LOC728392: variants seen among roughly 807,000 people sequenced by gnomAD.
At chr17:5,500,018 G>A in the LOC728392 span, 14 of 986,084 alleles carry the variant, frequency 1.4e-5, no homozygotes, top group African/African-American at 1.9e-4. This position sits in a 1 kb window ranked among gnomAD's most constrained non-coding sequence, Gnocchi z 5.4. Context: ...ACACCCCGAC[G>A]AACGCCACTT....
At chr17:5,500,912 C>G in the LOC728392 span, 43 of 1,261,472 alleles carry the variant, frequency 3.4e-5, no homozygotes, top group African/African-American at 6.1e-4. The surrounding 1 kb of genome is among the most constrained non-coding windows in gnomAD (Gnocchi z 5.4). Flanking sequence ...CCGGGCGAAT[C>G]TGCTCGAGAC....
chr17:5,499,717 G>A, the LOC728392 span: 1 of 964,058 alleles, frequency 1.0e-6, no homozygotes, highest in Non-Finnish European at 1.2e-6. Context: ...AGCTCCAGAA[G>A]TGAGCCGGGC....
At chr17:5,499,923 C>G in the LOC728392 span, 7 of 985,868 alleles carry the variant, frequency 7.1e-6, no homozygotes, top group Non-Finnish European at 4.8e-6. Context: ...GTACCAGTCT[C>G]GACTCCTCCG....
chr17:5,500,170 T>TCCCTGCC, the LOC728392 span: 1 of 986,244 alleles, frequency 1.0e-6, no homozygotes, highest in Non-Finnish European at 1.2e-6. This position sits in a 1 kb window ranked among gnomAD's most constrained non-coding sequence, Gnocchi z 5.4. Context: ...GCGCCGACCC[T>TCCCTGCC]CCCTGCCGGA....
chr17:5,500,555 T>C, the LOC728392 span: 1 of 1,210,276 alleles, frequency 8.3e-7, no homozygotes, highest in Non-Finnish European at 1.0e-6. The surrounding 1 kb of genome is among the most constrained non-coding windows in gnomAD (Gnocchi z 5.4). Flanking sequence ...TCCCTTTCCC[T>C]CCCCGCTCGG....
the LOC728392 span, chr17:5,499,859 C>G: frequency 5.1e-6 from 5 of 985,964 alleles, no homozygotes; most frequent in Non-Finnish European, 6.0e-6. Flanking sequence ...CCACAGGTCC[C>G]GCGAGTCCCG....
At chr17:5,500,177 C>T in the LOC728392 span, 23 of 986,870 alleles carry the variant, frequency 2.3e-5, no homozygotes, top group Middle Eastern at 1.0e-3. The surrounding 1 kb of genome is among the most constrained non-coding windows in gnomAD (Gnocchi z 5.4). Flanking sequence ...CCCTCCCTGC[C>T]GGACCCTCTC....
At chr17:5,500,286 T>C in the LOC728392 span, 1 of 999,366 alleles carries the variant, frequency 1.0e-6, no homozygotes. The surrounding 1 kb of genome is among the most constrained non-coding windows in gnomAD (Gnocchi z 5.4). Context: ...TCCCTGCGCG[T>C]GCCCCCACGT....
the LOC728392 span, chr17:5,499,622 G>T: frequency 3.2e-6 from 1 of 312,610 alleles, no homozygotes; most frequent in Non-Finnish European, 4.7e-6. Context: ...GTCTTAAGAT[G>T]ACAAATCCCT....
chr17:5,500,868 G>T, the LOC728392 span: 3 of 1,245,542 alleles, frequency 2.4e-6, no homozygotes, highest in African/African-American at 1.6e-5. This position sits in a 1 kb window ranked among gnomAD's most constrained non-coding sequence, Gnocchi z 5.4. Flanking sequence ...GTCTTCCGGG[G>T]GAGGCTTGTC....
the LOC728392 span, chr17:5,499,924 G>A: frequency 4.1e-6 from 4 of 985,772 alleles, no homozygotes; most frequent in Admixed American, 6.1e-5. Context: ...TACCAGTCTC[G>A]ACTCCTCCGG....
chr17:5,500,581 G>T, the LOC728392 span: 89 of 1,243,222 alleles, frequency 7.2e-5, 4 homozygotes, highest in South Asian at 1.2e-3. This position sits in a 1 kb window ranked among gnomAD's most constrained non-coding sequence, Gnocchi z 5.4. Flanking sequence ...CGCCCACCCC[G>T]TCCCGCGCTG....
At chr17:5,500,788 T>C in the LOC728392 span, 1 of 1,162,598 alleles carries the variant, frequency 8.6e-7, no homozygotes. The surrounding 1 kb of genome is among the most constrained non-coding windows in gnomAD (Gnocchi z 5.4). Flanking sequence ...CCCTGCGCCC[T>C]CCCGCCCGCG....
the LOC728392 span, chr17:5,500,445 G>A: frequency 1.8e-6 from 2 of 1,142,426 alleles, no homozygotes; most frequent in Middle Eastern, 4.0e-4. The surrounding 1 kb of genome is among the most constrained non-coding windows in gnomAD (Gnocchi z 5.4). Context: ...CGTACTGATA[G>A]ACAAAGATAG....
chr17:5,500,514 G>A, the LOC728392 span: 1 of 1,197,482 alleles, frequency 8.4e-7, no homozygotes, highest in South Asian at 1.6e-5. The surrounding 1 kb of genome is among the most constrained non-coding windows in gnomAD (Gnocchi z 5.4). Flanking sequence ...GTGCAGCGCT[G>A]TTCTAAAACA....
the LOC728392 span, chr17:5,500,500 G>T: frequency 3.6e-5 from 42 of 1,166,324 alleles, no homozygotes; most frequent in Middle Eastern, 3.7e-4. The surrounding 1 kb of genome is among the most constrained non-coding windows in gnomAD (Gnocchi z 5.4). Context: ...GCTACATGAA[G>T]GGGGTGCAGC....
chr17:5,500,898 G>T, the LOC728392 span: 1 of 1,260,060 alleles, frequency 7.9e-7, no homozygotes, highest in Non-Finnish European at 1.0e-6. The surrounding 1 kb of genome is among the most constrained non-coding windows in gnomAD (Gnocchi z 5.4). Flanking sequence ...TTCGGACTCG[G>T]GGTCCGGGCG....
chr17:5,500,470 G>T, the LOC728392 span: 1,497 of 1,149,298 alleles, frequency 1.3e-3, 2 homozygotes, highest in Non-Finnish European at 1.4e-3. This position sits in a 1 kb window ranked among gnomAD's most constrained non-coding sequence, Gnocchi z 5.4. Flanking sequence ...AACAAAGACG[G>T]AAAGAAACAA....
At chr17:5,499,755 A>G in the LOC728392 span, 55 of 985,604 alleles carry the variant, frequency 5.6e-5, no homozygotes, top group East Asian at 5.1e-3. Context: ...AGAGTCCCCA[A>G]GGACAGCCCT....
Sources: allele counts gnomAD v4.1 joint callset, GRCh38; gene constraint gnomAD v4.1.1; non-coding constraint Gnocchi (gnomAD v3.1); transcripts MANE v1.5.